TENT4B: variants seen among roughly 807,000 people sequenced by gnomAD.
TENT4B encodes PAP associated domain containing 5.
TENT4B carries 10 observed loss-of-function variants against 75.0 expected under a neutral mutation model. The ratio of observed to expected loss-of-function variants is 0.13; its 90% CI spans 0.08 to 0.23. The LOEUF (loss-of-function observed/expected upper bound fraction) is 0.23. Among genes scored for constraint, TENT4B ranks in the 10% least tolerant of loss-of-function variants. The pLI, the probability that TENT4B is intolerant of heterozygous loss-of-function variation, is 1.00. For synonymous variants in TENT4B, 350 were observed against 357.7 expected (o/e 0.98, Z 0.24); for missense variants, 579 against 893.8 (o/e 0.65, Z 4.49).
rs968660005 is a variant in TENT4B, at chr16:50,234,734, G to T, written c.*5406G>T. ...CTCCAGTCTTTACTACTAAAAAGCA[G>T]CACTGCCTTAACACACATTGTTATG... On this transcript the variant is annotated 3_prime_UTR_variant, in exon 12 of 12. Coordinates refer to ENST00000561678, the MANE Select transcript of TENT4B (RefSeq NM_001365324.3). The T allele has an allele frequency of 8.1e-6, 8 of 985,344 alleles. No individual in the cohort carries two copies. The African/African-American group carries it at 1.4e-4, about 17-fold the overall frequency. The allele number at this position is 985,344 out of a possible 1,614,324, so 61.0% of individuals were successfully genotyped here.
chr16:50,174,406 A>G (rs925441200), intron 1 of TENT4B, among the ~76,000 whole-genome samples: 4 of 152,068 alleles, frequency 2.6e-5, no homozygotes, highest in Non-Finnish European at 5.9e-5. Context: ...CTTATTGTTA[A>G]GTTTTAAGAG....
intron 1 of TENT4B, among the ~76,000 whole-genome samples, chr16:50,170,897 C>A (rs1190931949): frequency 6.6e-6 from 1 of 151,922 alleles, no homozygotes; most frequent in Non-Finnish European, 1.5e-5. Flanking sequence ...AAACTCCTGA[C>A]CTCAGGTGAT....
chr16:50,226,293 G>C (rs957205982), intron 10 of TENT4B, among the ~76,000 whole-genome samples: 2 of 152,050 alleles, frequency 1.3e-5, no homozygotes, highest in Admixed American at 1.3e-4. Context: ...GAGCCCAGCT[G>C]TTATGACTTT....
In TENT4B at chr16:50,234,205, G is replaced by A. The variant is rs1274095865; in HGVS notation, c.*4877G>A. 1.1e-5 allele frequency: 11 copies of A among 985,478 alleles called. No homozygotes were observed. The highest frequency in any genetic ancestry group is 1.3e-5 in the Non-Finnish European group (11 of 830,072). 61.0% of individuals were successfully genotyped at this position (985,478 alleles called of 1,614,324 possible). A position where few individuals can be genotyped will look rare whatever the true frequency, so the allele number is the denominator to read the frequency against. On this transcript the variant is annotated 3_prime_UTR_variant, in exon 12 of 12. Transcript: ENST00000561678. ...ATGGTGGCTCACGCCTGTAATCCCA[G>A]CACTTTGGGAGGCCGAAGCGGGAGG...
intron 10 of TENT4B, among the ~76,000 whole-genome samples, chr16:50,226,874 T>C (rs2032081585): frequency 6.6e-6 from 1 of 152,224 alleles, no homozygotes; most frequent in Non-Finnish European, 1.5e-5. Context: ...TTAGCAGTAG[T>C]TTCTTCTAAT....
intron 1 of TENT4B, among the ~76,000 whole-genome samples, chr16:50,176,482 A>G (rs142969260): frequency 1.2e-3 from 166 of 142,822 alleles, no homozygotes; most frequent in Non-Finnish European, 2.1e-3. Flanking sequence ...TCAACCATAT[A>G]TACCAATAAT....
At chr16:50,196,002 C>T (rs1056522082) in intron 1 of TENT4B, among the ~76,000 whole-genome samples, 11 of 152,146 alleles carry the variant, frequency 7.2e-5, no homozygotes, top group South Asian at 6.2e-4. Context: ...TGCTTTGGAG[C>T]GGAAGAAATA....
intron 3 of TENT4B, among the ~76,000 whole-genome samples, chr16:50,214,954 C>G (rs141750457): frequency 6.6e-6 from 1 of 152,178 alleles, no homozygotes; most frequent in Non-Finnish European, 1.5e-5. Context: ...CTCACTCTTA[C>G]ACTCACCCTC....
rs2150755760 is a variant in TENT4B at position 50,231,274 on chromosome 16, T to G, written c.*1946T>G. 1.0e-6 allele frequency: 1 copy of G among 985,398 alleles called. No homozygotes were observed. The allele number at this position is 985,398 out of a possible 1,614,324, so 61.0% of individuals were successfully genotyped here. The stretch of plus-strand genomic sequence containing the variant: ...TTGAGCTTTTGTTTTTGAAACTAGT[T>G]TGTCATAACATTGTGCATAATCACA... On this transcript the variant is annotated 3_prime_UTR_variant, in exon 12 of 12. Coordinates refer to ENST00000561678, the MANE Select transcript of TENT4B (RefSeq NM_001365324.3).
At chr16:50,225,368 G>C in intron 10 of TENT4B, 83 bp downstream of exon 10, 1 of 1,242,374 alleles carries the variant, frequency 8.0e-7, no homozygotes, top group Non-Finnish European at 1.1e-6. Context: ...GAAGGCTAAG[G>C]CTACTTCCTT....
chr16:50,187,852 A>G (rs1015141097), intron 1 of TENT4B, among the ~76,000 whole-genome samples: 1 of 151,866 alleles, frequency 6.6e-6, no homozygotes, highest in Non-Finnish European at 1.5e-5. Flanking sequence ...TAGCAGCAAG[A>G]CCCCATCTCT....
Position 50,166,456 on chromosome 16 carries a change from G to A in TENT4B, c.638+12197G>A, listed in dbSNP as rs546469410. On this transcript the variant is annotated intron_variant, in intron 1 of 11. Coordinates refer to ENST00000561678, the MANE Select transcript of TENT4B (RefSeq NM_001365324.3). The stretch of plus-strand genomic sequence containing the variant: ...GGTATGAAGTAAGTGTGTCATTTGT[G>A]ATTTTGATTGTTAGTGGTGACTAAA... 1.7e-4 allele frequency among the ~76,000 whole-genome samples: 26 copies of A among 152,302 alleles called. No individual in the cohort carries two copies. In the East Asian group the frequency reaches 4.6e-3, roughly 27 times the overall value.
chr16:50,153,961 A>AACC lies in TENT4B; in HGVS notation c.348_350dup (p.His116dup), dbSNP rs1382231726. The AACC allele has an allele frequency of 2.6e-6, 4 of 1,533,442 alleles. No homozygotes were observed. Among genetic ancestry groups the AACC allele is most frequent in the Non-Finnish European group, 3.5e-6 (4 of 1,145,868 alleles). The allele number at this position is 1,533,442 out of a possible 1,614,324, so 95.0% of individuals were successfully genotyped here. On this transcript the variant is annotated inframe_insertion, in exon 1 of 12. Transcript: ENST00000561678. Reference sequence around the variant, plus strand: ...CCTAGAGACGACCAACAACAACAACAACCACCACCAGCCCGGGGCCTGGGC... The same window carrying AACC: ...CCTAGAGACGACCAACAACAACAACAACCACCACCACCAGCCCGGGGCCTGGGC...
chr16:50,165,530 C>A (rs1010839034), intron 1 of TENT4B, among the ~76,000 whole-genome samples: 2 of 152,056 alleles, frequency 1.3e-5, no homozygotes, highest in Admixed American at 1.3e-4. Context: ...CAACTAATTC[C>A]AGAACATTTT....
intron 6 of TENT4B, 140 bp downstream of exon 6, chr16:50,222,574 C>T: frequency 1.2e-6 from 1 of 862,450 alleles, no homozygotes; most frequent in Middle Eastern, 2.3e-4. Context: ...TCCCTTTAAA[C>T]TGGGTACATT....
rs1490739262 is a variant in TENT4B, at chr16:50,233,009, ATTC to A, written c.*3684_*3686del. On this transcript the variant is annotated 3_prime_UTR_variant, in exon 12 of 12. Transcript: ENST00000561678. ...CAGAAGAATTTATTCTTACCCATCT[ATTC>A]TTGTTCTCCTAGTTCATTAAACTTT... The A allele has an allele frequency of 8.1e-6, 8 of 984,604 alleles. No individual in the cohort carries two copies. In the East Asian group the frequency reaches 5.7e-4, roughly 70 times the overall value. 61.0% of individuals were successfully genotyped at this position (984,604 alleles called of 1,614,324 possible).
rs3814284 is a variant in TENT4B at position 50,215,169 on chromosome 16, C to G, written c.809+902C>G. Reference sequence around the variant, plus strand: ...ATAATGTTTCTCCAAAGGGTGAATACTTGCTCTCTAAGAATTGAAATTGTT... The same window carrying G: ...ATAATGTTTCTCCAAAGGGTGAATAGTTGCTCTCTAAGAATTGAAATTGTT... On this transcript the variant is annotated intron_variant, in intron 3 of 11. Transcript: ENST00000561678. 2.6e-3 allele frequency among the ~76,000 whole-genome samples: 391 copies of G among 152,310 alleles called. 14 individuals carry two copies. The East Asian group carries it at 0.072, about 28-fold the overall frequency.
At chr16:50,200,993 G>C (rs997963649) in intron 1 of TENT4B, among the ~76,000 whole-genome samples, 4 of 151,770 alleles carry the variant, frequency 2.6e-5, no homozygotes, top group Admixed American at 2.6e-4. Context: ...GTAGAGGTGG[G>C]ATCTCGCCAT....
chr16:50,153,180 C>CGGGGGGGGGGGGGGGGGGGGG (rs2037796373), upstream of TENT4B: 1 of 1,242 alleles, frequency 8.1e-4, no homozygotes. Flanking sequence ...GAGGGCGGGG[C>CGGGGGGGGGGGGGGGGGGGGG]GGTGGGGGGG....
Sources: allele counts gnomAD v4.1 joint callset (sites outside exome capture counted in the v4.1 genomes callset), GRCh38; gene constraint gnomAD v4.1.1; transcripts MANE v1.5; gene names NCBI Gene and HGNC (gene_info 2026-07-23, HGNC 2026-07-21).